The following RIF1 variants were observed in gnomAD, a reference collection of about 807,000 sequenced individuals.
RIF1 encodes replication timing regulatory factor 1.
A neutral mutation model predicts 247.1 loss-of-function variants in RIF1; 45 were observed. The observed-to-expected ratio is 0.18, with a 90% CI of 0.14 to 0.23. The LOEUF (loss-of-function observed/expected upper bound fraction) is 0.23, where lower values mean the gene tolerates loss of function less well. RIF1 is among the 10% of genes least tolerant of loss of function. RIF1 has a pLI of 1.00. For synonymous variants in RIF1, 1,087 were observed against 978.8 expected (o/e 1.11, Z -2.06); for missense variants, 2,967 against 2,862.5 (o/e 1.04, Z -0.83).
In RIF1 at chr2:151,463,270, A is replaced by T; in HGVS notation, c.3750A>T (p.Lys1250Asn). ...LNNISSTVTV[K>N]NNQETMIKTD... ...ATATTTCATCAACTGTTACAGTGAA[A>T]AATAACCAGGAAACCATGATTAAAA... The change falls in exon 30 of 36, where the codon AAA (lysine) becomes AAT (asparagine). Residue 1250 changes from lysine to asparagine, a missense_variant. Lys to Asn is a moderately conservative substitution (Grantham distance 94). Coordinates refer to ENST00000444746, the MANE Select transcript of RIF1 (RefSeq NM_018151.5). 1 of 1,613,152 alleles carries T rather than the reference A, an allele frequency of 6.2e-7. No individual in the cohort carries two copies. Among genetic ancestry groups the T allele is most frequent in the Non-Finnish European group, 8.5e-7 (1 of 1,179,786 alleles).
intron 7 of RIF1, among the ~76,000 whole-genome samples, chr2:151,421,122 C>T (rs1246890346): frequency 1.3e-5 from 2 of 152,210 alleles, no homozygotes; most frequent in Admixed American, 1.3e-4. Flanking sequence ...TACTGGGCAT[C>T]TGATATGTGC....
chr2:151,438,527 T>C (rs1003791772), intron 13 of RIF1, among the ~76,000 whole-genome samples, 157 bp from the exon 14 acceptor site: 1 of 152,232 alleles, frequency 6.6e-6, no homozygotes, highest in South Asian at 2.1e-4. Flanking sequence ...TGATAGTGTT[T>C]TATAAACTTA....
chr2:151,414,170 C>T (rs1006302006), intron 3 of RIF1, among the ~76,000 whole-genome samples: 19 of 151,896 alleles, frequency 1.3e-4, no homozygotes, highest in African/African-American at 4.4e-4. Context: ...AAAATATAGG[C>T]ATGGTGGCGC....
In RIF1 at chr2:151,464,123, C is replaced by T. The variant is rs1184980711; in HGVS notation, c.4603C>T (p.Arg1535Trp). 7.4e-6 allele frequency: 12 copies of T among 1,611,842 alleles called. No individual in the cohort carries two copies. Among genetic ancestry groups the T allele is most frequent in the Admixed American group, 1.7e-5 (1 of 59,562 alleles). Residue 1535 changes from arginine to tryptophan, a missense_variant, in exon 30 of 36, where the codon CGG becomes TGG. This residue lies in a region of RIF1 where 2,028 missense variants were observed against 1,825.6 expected (regional missense o/e 1.11). Transcript: ENST00000444746. ...SSEKLVRGRT[R>W]YQTRRASQGL... ...TGAGAAACTAGTCAGAGGCCGAACA[C>T]GGTATCAAACTAGAAGAGCATCTCA...
intron 8 of RIF1, chr2:151,423,326 C>T: frequency 3.4e-6 from 1 of 292,762 alleles, no homozygotes; most frequent in Non-Finnish European, 6.3e-6. Flanking sequence ...TTTTAGTTCT[C>T]ATACCTTAAA....
chr2:151,454,229 A>G (rs1466379308), intron 21 of RIF1, among the ~76,000 whole-genome samples: 1 of 152,222 alleles, frequency 6.6e-6, no homozygotes, highest in Non-Finnish European at 1.5e-5. Context: ...GATTGAGAGA[A>G]ACAAGTAATT....
Position 151,476,278 on chromosome 2 carries a change from A to G in RIF1, c.*1207A>G, listed in dbSNP as rs921135296. 6.6e-6 allele frequency: 1 copy of G among 152,204 alleles called. No individual in the cohort carries two copies. Among genetic ancestry groups the G allele is most frequent in the Admixed American group, 6.5e-5 (1 of 15,288 alleles). 9.4% of individuals were successfully genotyped at this position (152,204 alleles called of 1,614,324 possible). A position where few individuals can be genotyped will look rare whatever the true frequency, so the allele number is the denominator to read the frequency against. On this transcript the variant is annotated 3_prime_UTR_variant, in exon 36 of 36. Transcript: ENST00000444746. ...CAAACTTGGAAGAAATTTGAAACTG[A>G]TGTTTTTAATATATGTCTGTGTTGC...
intron 15 of RIF1, among the ~76,000 whole-genome samples, chr2:151,440,620 A>G (rs559449392): frequency 6.6e-6 from 1 of 152,304 alleles, no homozygotes; most frequent in South Asian, 2.1e-4. Flanking sequence ...AGTGGAACAA[A>G]CAATACCCTT....
the RIF1 span, among the ~76,000 whole-genome samples, chr2:151,521,297 C>T: frequency 2.0e-4 from 31 of 152,276 alleles, no homozygotes; most frequent in Admixed American, 1.4e-3. Context: ...AAAAAATAAG[C>T]ATGCAGAACA....
intron 3 of RIF1, 52 bp downstream of exon 3, chr2:151,411,390 T>A (rs1190828942): frequency 7.9e-7 from 1 of 1,271,040 alleles, no homozygotes; most frequent in Non-Finnish European, 1.1e-6. Flanking sequence ...TTGGTTTTTT[T>A]TTTTGGTTTT....
At chr2:151,505,642 G>GT (rs1220037073) in intron 12 of RIF1, 2 of 1,257,176 alleles carry the variant, frequency 1.6e-6, no homozygotes, top group Non-Finnish European at 2.3e-6. Flanking sequence ...ACATGTACAT[G>GT]TTTTTTGTAG....
At chr2:151,485,719 G>T, downstream of RIF1, 1 of 1,559,054 alleles carries the variant, frequency 6.4e-7, no homozygotes, top group East Asian at 2.3e-5. Context: ...TTGACTGCAG[G>T]ATCTGTAAGT....
At chr2:151,452,646 C>T (rs1455472102) in intron 21 of RIF1, among the ~76,000 whole-genome samples, 1 of 152,218 alleles carries the variant, frequency 6.6e-6, no homozygotes, top group Non-Finnish European at 1.5e-5. Context: ...CTGATCTTAG[C>T]TCTCCTCTTG....
Position 151,436,798 on chromosome 2 carries a change from AC to A in RIF1, c.1196-28del, listed in dbSNP as rs756964866. The A allele has an allele frequency of 5.3e-6, 8 of 1,498,292 alleles. No individual in the cohort carries two copies. In the East Asian group the frequency reaches 1.8e-4, roughly 35 times the overall value. 92.8% of individuals were successfully genotyped at this position (1,498,292 alleles called of 1,614,324 possible). ...AGCTAATATAAAATGAGCTTGTATGACTTAACTCTTTTTTTTTTTTTCTTAA... is the reference window on the plus strand; with the variant it reads ...AGCTAATATAAAATGAGCTTGTATGATTAACTCTTTTTTTTTTTTTCTTAA... On this transcript the variant is annotated intron_variant, in intron 11 of 35. Transcript: ENST00000444746.
intron 27 of RIF1, 37 bp from the exon 28 acceptor site, chr2:151,462,205 C>A: frequency 7.9e-7 from 1 of 1,270,130 alleles, no homozygotes; most frequent in Non-Finnish European, 1.1e-6. Context: ...AGAATATCAT[C>A]CGGTTTTTGA....
At chr2:151,526,126 G>A in the RIF1 span, 2 of 1,610,590 alleles carry the variant, frequency 1.2e-6, no homozygotes, top group Non-Finnish European at 1.7e-6. Context: ...CTCCCAAGAG[G>A]GAAGCAGAAC....
chr2:151,531,319 T>C, the RIF1 span, among the ~76,000 whole-genome samples: 1 of 135,914 alleles, frequency 7.4e-6, no homozygotes, highest in Non-Finnish European at 1.6e-5. Context: ...TTTTTTTTTT[T>C]TTTTTTTTTT....
At chr2:151,514,266 CAAA>C in the RIF1 span, 2 of 1,302,592 alleles carry the variant, frequency 1.5e-6, no homozygotes, top group South Asian at 1.3e-5. Flanking sequence ...ATTTGGCTAA[CAAA>C]GAAATGATGC....
At chr2:151,441,278 C>T (rs1692255551) in intron 15 of RIF1, among the ~76,000 whole-genome samples, 1 of 152,106 alleles carries the variant, frequency 6.6e-6, no homozygotes, top group Non-Finnish European at 1.5e-5. Context: ...TAGGCTCAGT[C>T]AGTTTGATTT....
Sources: allele counts gnomAD v4.1 joint callset (sites outside exome capture counted in the v4.1 genomes callset), GRCh38; gene constraint gnomAD v4.1.1; regional missense constraint gnomAD v4.1.1; transcripts MANE v1.5; gene names NCBI Gene and HGNC (gene_info 2026-07-23, HGNC 2026-07-21).